Variants in DPP6 observed in about 807,000 individuals in gnomAD.
DPP6 encodes A-type potassium channel modulatory protein DPP6.
DPP6 carries 69 observed loss-of-function variants against 122.6 expected under a neutral mutation model. That is an observed-to-expected ratio of 0.56 (90% CI 0.46 to 0.69). The LOEUF (loss-of-function observed/expected upper bound fraction) is 0.69, where lower values mean the gene tolerates loss of function less well. Among genes scored for constraint, DPP6 ranks in the 30% least tolerant of loss-of-function variants. The pLI is 0.00. For missense variants in DPP6, 928 were observed against 1,116.9 expected (o/e 0.83, Z 2.41); for synonymous variants, 418 against 433.1 (o/e 0.97, Z 0.43).
intron 7 of DPP6, among the ~76,000 whole-genome samples, chr7:154,691,538 C>G (rs768869543): frequency 5.3e-5 from 8 of 152,144 alleles, no homozygotes; most frequent in South Asian, 2.1e-4. Context: ...AATAAAGCAG[C>G]CGGGCGCGGT....
intron 1 of DPP6, among the ~76,000 whole-genome samples, chr7:153,944,942 G>A (rs1378979968): frequency 6.6e-6 from 1 of 152,130 alleles, no homozygotes; most frequent in Non-Finnish European, 1.5e-5. Context: ...AACAAACCAA[G>A]CTGTTTTTTG....
At position 154,618,251 on chromosome 7, in the gene DPP6, T is replaced by C. The variant is rs1490016704; in HGVS notation, c.628-19570T>C. Among the ~76,000 whole-genome samples, 1 of 152,066 alleles carries C rather than the reference T, an allele frequency of 6.6e-6. No individual in the cohort carries two copies. The highest frequency in any genetic ancestry group is 2.4e-5 in the African/African-American group (1 of 41,400). The stretch of plus-strand genomic sequence containing the variant: ...CCTGAGTTATTTTGCCCCTAATGGG[T>C]TTCCAGGGTCGTGTCCTTTCCCAAC... On this transcript the variant is annotated intron_variant, in intron 5 of 25. Transcript: ENST00000377770. This position sits in a 1 kb window ranked among gnomAD's most constrained non-coding sequence, Gnocchi z 4.1.
intron 1 of DPP6, among the ~76,000 whole-genome samples, chr7:154,013,267 G>T (rs1025191145): frequency 6.6e-6 from 1 of 152,042 alleles, no homozygotes; most frequent in African/African-American, 2.4e-5. Context: ...AGGAAGCCTG[G>T]TTACTCATGA....
rs529616599 is a variant in DPP6, at chr7:154,199,980, C to T, written c.243+146917C>T. On this transcript the variant is annotated intron_variant, in intron 1 of 25. Coordinates refer to ENST00000377770, the MANE Select transcript of DPP6 (RefSeq NM_130797.4). ...TCAGTGCAGAGCCCCGCCCGTAATGCCTGGACTCACAGGCTGCTGGGCTTA... is the reference window on the plus strand; with the variant it reads ...TCAGTGCAGAGCCCCGCCCGTAATGTCTGGACTCACAGGCTGCTGGGCTTA... Among the ~76,000 whole-genome samples the T allele has an allele frequency of 1.6e-4, 24 of 152,288 alleles. No individual in the cohort carries two copies. The South Asian group carries it at 4.8e-3, about 30-fold the overall frequency.
At chr7:154,203,205 G>A (rs759185242) in intron 1 of DPP6, among the ~76,000 whole-genome samples, 2 of 152,182 alleles carry the variant, frequency 1.3e-5, no homozygotes, top group Non-Finnish European at 2.9e-5. Context: ...TTTGCAGCTA[G>A]CATTTAGAGT....
chr7:154,261,235 T>C (rs557113237), intron 1 of DPP6, among the ~76,000 whole-genome samples: 1 of 152,294 alleles, frequency 6.6e-6, no homozygotes, highest in Admixed American at 6.5e-5. Flanking sequence ...CTGTTTTCCA[T>C]AGTGGTTGCA....
At chr7:154,740,237 G>A (rs1329486994) in intron 8 of DPP6, among the ~76,000 whole-genome samples, 3 of 150,806 alleles carry the variant, frequency 2.0e-5, no homozygotes, top group South Asian at 2.1e-4. Context: ...TTTTTATAGC[G>A]CCCTAATGAA....
intron 1 of DPP6, among the ~76,000 whole-genome samples, chr7:154,111,620 C>CGTGTGTGTGTGT (rs71309604): frequency 9.6e-5 from 13 of 134,996 alleles, no homozygotes; most frequent in African/African-American, 3.0e-4. Flanking sequence ...GGCAGGGTTT[C>CGTGTGTGTGTGT]GTGTGTGTGT....
intron 4 of DPP6, among the ~76,000 whole-genome samples, chr7:154,559,285 AC>A (rs1422644611): frequency 6.0e-5 from 9 of 150,668 alleles, no homozygotes; most frequent in East Asian, 5.9e-4. Context: ...AAAAAAAAAA[AC>A]CCCTAAATTG....
At chr7:154,878,506 G>T (rs1324846879) in intron 20 of DPP6, among the ~76,000 whole-genome samples, 3 of 152,228 alleles carry the variant, frequency 2.0e-5, no homozygotes, top group Non-Finnish European at 2.9e-5. Flanking sequence ...GCTCTCCCTA[G>T]GAACGAGGTC....
At chr7:154,645,748 G>A (rs1270663488) in intron 6 of DPP6, among the ~76,000 whole-genome samples, 1 of 152,086 alleles carries the variant, frequency 6.6e-6, no homozygotes, top group African/African-American at 2.4e-5. Flanking sequence ...ACTGAGGGTT[G>A]CCAGGCGCGG....
rs78855369 is a variant in DPP6 at position 154,705,406 on chromosome 7, G to A, written c.763-22361G>A. Among the ~76,000 whole-genome samples the A allele has an allele frequency of 8.9e-3, 1,352 of 152,058 alleles. 22 individuals carry two copies. The highest frequency in any genetic ancestry group is 0.031 in the African/African-American group (1,280 of 41,450). ...TCTCTTCAGCTCTACTTCTTTCTGC[G>A]TGTTCATCTCGCTCTCTTCCAGTGC... On this transcript the variant is annotated intron_variant, in intron 7 of 25. Transcript: ENST00000377770.
chr7:153,877,590 G>A, the DPP6 span, among the ~76,000 whole-genome samples: 1 of 152,146 alleles, frequency 6.6e-6, no homozygotes, highest in East Asian at 1.9e-4. Context: ...TGGTATATGT[G>A]GTCTGTCATA....
chr7:154,478,925 A>G (rs1246335882), intron 3 of DPP6, among the ~76,000 whole-genome samples: 2 of 151,070 alleles, frequency 1.3e-5, no homozygotes, highest in East Asian at 3.9e-4. Context: ...GTAATTCTCT[A>G]CAGAGGAAGA....
At chr7:154,233,069 C>T (rs1405505338) in intron 1 of DPP6, among the ~76,000 whole-genome samples, 2 of 152,142 alleles carry the variant, frequency 1.3e-5, no homozygotes, top group Admixed American at 1.3e-4. Context: ...CTTAGAAGCT[C>T]ACAAATGAAA....
rs116294991 is a variant in DPP6 at position 154,330,365 on chromosome 7, A to G, written c.244-115849A>G. 1.8e-3 allele frequency among the ~76,000 whole-genome samples: 280 copies of G among 152,324 alleles called. 1 individual carries two copies. Among genetic ancestry groups the G allele is most frequent in the African/African-American group, 6.4e-3 (268 of 41,582 alleles). ...AAAAGACAAGTCATGATCTCTGAGG[A>G]CAAGGTATTCACAGCCGAGAGTGGC... is the stretch of plus-strand genomic sequence containing the variant. On this transcript the variant is annotated intron_variant, in intron 1 of 25. Transcript: ENST00000377770.
At chr7:154,064,956 C>T (rs1391288678) in intron 1 of DPP6, among the ~76,000 whole-genome samples, 1 of 152,168 alleles carries the variant, frequency 6.6e-6, no homozygotes, top group East Asian at 1.9e-4. Flanking sequence ...AGCGTCTCCT[C>T]CTCAAATGCC....
chr7:153,931,146 G>A (rs751282471), intron 1 of DPP6, among the ~76,000 whole-genome samples: 5 of 152,146 alleles, frequency 3.3e-5, no homozygotes, highest in Admixed American at 6.5e-5. Flanking sequence ...TCACACTTGT[G>A]TACTTGCAGC....
intron 6 of DPP6, among the ~76,000 whole-genome samples, chr7:154,646,302 G>A (rs1037053553): frequency 3.9e-5 from 6 of 152,022 alleles, no homozygotes; most frequent in African/African-American, 1.2e-4. Context: ...TCTCCCATCC[G>A]GCTGTGTAAG....
Sources: allele counts gnomAD v4.1 joint callset (sites outside exome capture counted in the v4.1 genomes callset), GRCh38; gene constraint gnomAD v4.1.1; non-coding constraint Gnocchi (gnomAD v3.1); transcripts MANE v1.5; gene names NCBI Gene and HGNC (gene_info 2026-07-23, HGNC 2026-07-21).